The following MAP2 variants were observed in gnomAD, a reference collection of about 807,000 sequenced individuals.
The protein encoded by MAP2 is microtubule-associated protein 2.
A neutral mutation model predicts 137.6 loss-of-function variants in MAP2; 14 were observed. That is an observed-to-expected ratio of 0.10 (90% CI 0.07 to 0.16). The LOEUF is 0.16. Among genes scored for constraint, MAP2 ranks in the 10% least tolerant of loss-of-function variants. The probability of loss-of-function intolerance (pLI) is 1.00; values close to 1 mark genes in which losing one functional copy is unlikely to be tolerated. For missense variants in MAP2, 2,088 were observed against 2,191.5 expected, an observed-to-expected ratio of 0.95 and a Z score of 0.94; for synonymous variants, 786 against 782.3, an observed-to-expected ratio of 1.00 and a Z score of -0.08.
chr2:209,720,360 C>T lies in MAP2; in HGVS notation c.5074-5349C>T, dbSNP rs945862861. 4.6e-5 allele frequency among the ~76,000 whole-genome samples: 7 copies of T among 151,970 alleles called. 1 individual carries two copies. Among genetic ancestry groups the T allele is most frequent in the Admixed American group, 2.6e-4 (4 of 15,258 alleles). On this transcript the variant is annotated intron_variant, in intron 13 of 15. Coordinates refer to ENST00000682079, the MANE Select transcript of MAP2 (RefSeq NM_001375505.1). ...AGTAAAAATTTTACTTGAAATAGGC[C>T]GGGCACGGTGGCTCACGCCTGTAAT...
At chr2:209,524,526 GAAAT>G (rs2063743662) in intron 2 of MAP2, among the ~76,000 whole-genome samples, 2 of 151,748 alleles carry the variant, frequency 1.3e-5, no homozygotes, top group South Asian at 2.1e-4. Flanking sequence ...GCAATAAAAG[GAAAT>G]AAATAAGGTA....
At chr2:209,596,207 C>T (rs940799261) in intron 3 of MAP2, among the ~76,000 whole-genome samples, 2 of 152,136 alleles carry the variant, frequency 1.3e-5, no homozygotes, top group African/African-American at 4.8e-5. Context: ...CTAAGGATCA[C>T]AGTGGCCTTT....
chr2:209,713,804 T>C (rs964027085), intron 13 of MAP2, among the ~76,000 whole-genome samples: 1 of 152,222 alleles, frequency 6.6e-6, no homozygotes, highest in Non-Finnish European at 1.5e-5. Context: ...AATCAGGTTT[T>C]AAAATAGTTA....
intron 1 of MAP2, among the ~76,000 whole-genome samples, chr2:209,463,444 A>G (rs1481156900): frequency 1.3e-5 from 2 of 151,914 alleles, no homozygotes; most frequent in African/African-American, 4.8e-5. Flanking sequence ...GAGGCCTGAG[A>G]ATGTTTTTCT....
chr2:209,544,631 T>A (rs938880684), intron 2 of MAP2, among the ~76,000 whole-genome samples: 1 of 152,188 alleles, frequency 6.6e-6, no homozygotes, highest in South Asian at 2.1e-4. Context: ...GGGCACTCAG[T>A]AAACACTAAT....
rs1178532572 is a variant in MAP2 at position 209,732,470 on chromosome 2, TATTA to T, written c.*2077_*2080del. 6 of 152,250 alleles carry T rather than the reference TATTA, an allele frequency of 3.9e-5. No individual in the cohort carries two copies. Among genetic ancestry groups the T allele is most frequent in the Non-Finnish European group, 7.3e-5 (5 of 68,044 alleles). The allele number at this position is 152,250 out of a possible 1,614,324, so 9.4% of individuals were successfully genotyped here. A position where few individuals can be genotyped will look rare whatever the true frequency, so the allele number is the denominator to read the frequency against. On this transcript the variant is annotated 3_prime_UTR_variant, in exon 16 of 16. Transcript: ENST00000682079. ...AGGATCATTATATCTATTTTCTGCC[TATTA>T]ATTGCTGTGAGGTTTGATTTGACCA...
In MAP2 at chr2:209,694,096, G is replaced by C; in HGVS notation, c.1926G>C (p.Gln642His). 2 of 1,613,856 alleles carry C rather than the reference G, an allele frequency of 1.2e-6. No homozygotes were observed. Among genetic ancestry groups the C allele is most frequent in the Non-Finnish European group, 1.7e-6 (2 of 1,179,920 alleles). ...AAGCAGGGTACAGCACTCTCGCACA[G>C]AGTTATCCATCAGATTTACCTGAAG... is the stretch of plus-strand genomic sequence containing the variant. ...AQEAGYSTLA[Q>H]SYPSDLPEEP... Residue 642 changes from glutamine to histidine, a missense_variant, in exon 8 of 16, where the codon CAG (glutamine) becomes CAC (histidine). This residue lies in a region of MAP2 where 859 missense variants were observed against 794.5 expected (regional missense o/e 1.08). Transcript: ENST00000682079.
At chr2:209,699,428 C>T (rs1285804798) in intron 10 of MAP2, among the ~76,000 whole-genome samples, 1 of 151,922 alleles carries the variant, frequency 6.6e-6, no homozygotes, top group East Asian at 1.9e-4. Context: ...TCTTCTAAGC[C>T]CAATTTTCAA....
chr2:209,630,241 A>G (rs1027813777), intron 4 of MAP2, among the ~76,000 whole-genome samples: 1 of 151,882 alleles, frequency 6.6e-6, no homozygotes, highest in African/African-American at 2.4e-5. Flanking sequence ...AGAATCAGGA[A>G]CTAAACATCA....
In MAP2 at chr2:209,693,864, A is replaced by G; in HGVS notation, c.1694A>G (p.Asp565Gly). The G allele has an allele frequency of 6.2e-7, 1 of 1,613,042 alleles. No individual in the cohort carries two copies. The highest frequency in any genetic ancestry group is 8.5e-7 in the Non-Finnish European group (1 of 1,179,700). ...GAGCTTGATATGCCATTTTATGAAG[A>G]TAAATCAGGAATGTCCAAGTACTTT... The part of the protein sequence containing the change: ...SAELDMPFYE[D>G]KSGMSKYFET... The change falls in exon 8 of 16, where the codon GAT becomes GGT. Residue 565 changes from aspartate (D) to glycine (G), a missense_variant. Asp to Gly is a moderately conservative substitution (Grantham distance 94, BLOSUM62 -1). Around this residue, in one of 6 missense-constraint regions of MAP2, gnomAD observed 859 missense variants for 794.5 expected, o/e 1.08. Coordinates refer to ENST00000682079, the MANE Select transcript of MAP2 (RefSeq NM_001375505.1).
chr2:209,542,366 A>T (rs2067211057), intron 2 of MAP2, among the ~76,000 whole-genome samples: 1 of 152,218 alleles, frequency 6.6e-6, no homozygotes, highest in Non-Finnish European at 1.5e-5. Flanking sequence ...GACAGAGTAG[A>T]TTTAGCATCA....
Position 209,725,691 on chromosome 2 carries a change from T to G in MAP2, c.5074-18T>G. 1 of 1,540,424 alleles carries G rather than the reference T, an allele frequency of 6.5e-7. No individual in the cohort carries two copies. Among genetic ancestry groups the G allele is most frequent in the Non-Finnish European group, 8.8e-7 (1 of 1,134,902 alleles). On this transcript the variant is annotated intron_variant, in intron 13 of 15. Coordinates refer to ENST00000682079, the MANE Select transcript of MAP2 (RefSeq NM_001375505.1). ...CATGTTTGAACTATTTTAAGCATGT[T>G]TTATGTGGTTCACATAGGTACAAAT...
intron 3 of MAP2, among the ~76,000 whole-genome samples, chr2:209,592,204 C>A (rs529719275): frequency 1.3e-5 from 2 of 152,272 alleles, no homozygotes; most frequent in East Asian, 3.9e-4. Flanking sequence ...CAGCAACTTA[C>A]ATACACAGTT....
Position 209,731,172 on chromosome 2 carries a change from T to C in MAP2, c.*775T>C, listed in dbSNP as rs570523690. 6.6e-6 allele frequency: 1 copy of C among 152,366 alleles called. No homozygotes were observed. Among genetic ancestry groups the C allele is most frequent in the African/African-American group, 2.4e-5 (1 of 41,410 alleles). The allele number at this position is 152,366 out of a possible 1,614,324, so 9.4% of individuals were successfully genotyped here. On this transcript the variant is annotated 3_prime_UTR_variant, in exon 16 of 16. Transcript: ENST00000682079. ...TCTGTTTGATACAGTATTATAGATATAAATATATATATATTTCTCTGTGGC... is the reference window on the plus strand; with the variant it reads ...TCTGTTTGATACAGTATTATAGATACAAATATATATATATTTCTCTGTGGC...
chr2:209,633,191 G>A (rs1000770028), intron 4 of MAP2, among the ~76,000 whole-genome samples: 3 of 151,758 alleles, frequency 2.0e-5, no homozygotes, highest in Admixed American at 6.6e-5. Flanking sequence ...TGTTATTTCC[G>A]TTACTCCTGT....
chr2:209,689,707 C>A (rs1436325916), intron 7 of MAP2, among the ~76,000 whole-genome samples: 1 of 152,024 alleles, frequency 6.6e-6, no homozygotes, highest in Non-Finnish European at 1.5e-5. Flanking sequence ...TTTTGAATTA[C>A]AGAAATAAGA....
chr2:209,721,157 A>C lies in MAP2; in HGVS notation c.5074-4552A>C, dbSNP rs574433582. 8.2e-4 allele frequency among the ~76,000 whole-genome samples: 125 copies of C among 152,306 alleles called. No homozygotes were observed. The Middle Eastern group carries it at 0.014, about 17-fold the overall frequency. On this transcript the variant is annotated intron_variant, in intron 13 of 15. Transcript: ENST00000682079. ...TATGAGTCACGCGGAATAGGCGAAC[A>C]TTCAGGTGCAAGTTGTCAAGCTAGA...
At chr2:209,725,176 T>C (rs1467459142) in intron 13 of MAP2, among the ~76,000 whole-genome samples, 1 of 152,228 alleles carries the variant, frequency 6.6e-6, no homozygotes, top group Non-Finnish European at 1.5e-5. Context: ...AAAAACCTGT[T>C]ACTATCATTT....
chr2:209,689,467 A>G (rs1048520287), intron 7 of MAP2, among the ~76,000 whole-genome samples: 1 of 152,204 alleles, frequency 6.6e-6, no homozygotes, highest in Non-Finnish European at 1.5e-5. Context: ...ACAAAACTAT[A>G]AAACAGCTCA....
Sources: allele counts gnomAD v4.1 joint callset (sites outside exome capture counted in the v4.1 genomes callset), GRCh38; gene constraint gnomAD v4.1.1; regional missense constraint gnomAD v4.1.1; transcripts MANE v1.5; gene names NCBI Gene and HGNC (gene_info 2026-07-23, HGNC 2026-07-21).